The following SKA3 variants were observed in gnomAD, a reference collection of about 807,000 sequenced individuals.
SKA3 encodes the protein spindle and kinetochore-associated protein 3.
In SKA3, 39 loss-of-function variants were observed where a neutral mutation model predicts 44.2. The observed-to-expected ratio is 0.88, with a 90% CI of 0.68 to 1.15. SKA3 has a LOEUF of 1.15. SKA3 is among the 50% of genes most tolerant of loss of function. SKA3 has a pLI of 0.00. For missense variants in SKA3, 511 were observed against 485.8 expected (o/e 1.05, Z -0.49); for synonymous variants, 192 against 172.0 (o/e 1.12, Z -0.91).
chr13:21,167,347 T>TC (rs1278430659), intron 4 of SKA3, among the ~76,000 whole-genome samples: 22 of 152,310 alleles, frequency 1.4e-4, no homozygotes, highest in African/African-American at 2.2e-4. Context: ...CCTACAAATA[T>TC]CTTTTTTTCA....
chr13:21,162,034 T>C (rs781770547), intron 4 of SKA3, among the ~76,000 whole-genome samples, 159 bp from the exon 5 acceptor site: 11 of 152,230 alleles, frequency 7.2e-5, no homozygotes, highest in Non-Finnish European at 1.0e-4. Flanking sequence ...TTTTCTAATA[T>C]ATATCCATGG....
chr13:21,171,780 C>G (rs1256591692), intron 3 of SKA3, among the ~76,000 whole-genome samples: 4 of 152,102 alleles, frequency 2.6e-5, no homozygotes, highest in Admixed American at 1.3e-4. Flanking sequence ...AGTAACTTGA[C>G]AAAGATAATA....
chr13:21,169,194 A>C (rs1168014876), intron 3 of SKA3, among the ~76,000 whole-genome samples: 1 of 148,810 alleles, frequency 6.7e-6, no homozygotes, highest in Non-Finnish European at 1.5e-5. Flanking sequence ...AGAAAAGGCT[A>C]ATCACAAACA....
At chr13:21,161,506 T>A (rs1870437825) in intron 5 of SKA3, among the ~76,000 whole-genome samples, 1 of 152,206 alleles carries the variant, frequency 6.6e-6, no homozygotes, top group African/African-American at 2.4e-5. Flanking sequence ...GAAAAAGTAC[T>A]AAGGCTCTAC....
intron 4 of SKA3, 138 bp from the exon 5 acceptor site, chr13:21,162,013 A>T: frequency 2.0e-6 from 1 of 504,984 alleles, no homozygotes; most frequent in Admixed American, 3.7e-5. Context: ...CATGAAACAA[A>T]TTCTTTTCTT....
chr13:21,155,918 T>C (rs1870095794), intron 7 of SKA3, 107 bp from the exon 8 acceptor site: 6 of 566,082 alleles, frequency 1.1e-5, no homozygotes, highest in African/African-American at 1.9e-5. Context: ...GCGGGCATGG[T>C]GGCTCACGCC....
intron 5 of SKA3, among the ~76,000 whole-genome samples, chr13:21,161,469 T>A (rs1163111703): frequency 8.5e-5 from 13 of 152,174 alleles, no homozygotes; most frequent in Non-Finnish European, 1.5e-5. Flanking sequence ...TATAAGATAA[T>A]GTACAACTCT....
chr13:21,171,939 A>G (rs979549041), intron 3 of SKA3, among the ~76,000 whole-genome samples: 1 of 152,240 alleles, frequency 6.6e-6, no homozygotes. Flanking sequence ...TTTCTATAGA[A>G]GAGAACACTG....
intron 1 of SKA3, among the ~76,000 whole-genome samples, chr13:21,175,775 A>AT (rs1462934408): frequency 6.6e-6 from 1 of 152,128 alleles, no homozygotes; most frequent in Non-Finnish European, 1.5e-5. Flanking sequence ...ATATACACAT[A>AT]TTTTTTTAAA....
rs373439675 is a variant in SKA3, at chr13:21,159,883, C to T, written c.915+19G>A. 8.5e-7 allele frequency: 1 copy of T among 1,183,416 alleles called. No individual in the cohort carries two copies. The highest frequency in any genetic ancestry group is 1.1e-6 in the Non-Finnish European group (1 of 891,800). The allele number at this position is 1,183,416 out of a possible 1,614,324, so 73.3% of individuals were successfully genotyped here. Reference sequence around the variant, plus strand: ...TCTTTAGGAGAAAGACTGTGGCTTTCAATTTTATGGAAAGTTACCAAAGCT... The same window carrying T: ...TCTTTAGGAGAAAGACTGTGGCTTTTAATTTTATGGAAAGTTACCAAAGCT... On this transcript the variant is annotated intron_variant, in intron 6 of 8. Coordinates refer to ENST00000314759, the MANE Select transcript of SKA3 (RefSeq NM_145061.6).
In SKA3 at chr13:21,168,201, T is replaced by G. The variant is rs755301284; in HGVS notation, c.530A>C (p.Gln177Pro). Residue 177 changes from glutamine to proline, a missense_variant, in exon 4 of 9, where the codon CAG becomes CCG. Gln to Pro is a moderately conservative substitution (Grantham distance 76). Transcript: ENST00000314759. ...CTCTTCCTTATAGTTGTTCACTGCC[T>G]GTGGAGGGTTTGGTAGAACTTGGGA... ...IVSQVLPNPP[Q>P]AVNNYKEEPV... is the part of the protein sequence containing the mutation. 2.5e-6 allele frequency: 4 copies of G among 1,614,142 alleles called. No homozygotes were observed. The highest frequency in any genetic ancestry group is 3.4e-6 in the Non-Finnish European group (4 of 1,180,000).
chr13:21,164,377 T>C (rs2137368139), intron 4 of SKA3, among the ~76,000 whole-genome samples: 1 of 152,316 alleles, frequency 6.6e-6, no homozygotes, highest in South Asian at 2.1e-4. Flanking sequence ...CCATTTAAAA[T>C]AAGGCTGTAA....
intron 6 of SKA3, among the ~76,000 whole-genome samples, chr13:21,159,329 T>C (rs147348257): frequency 9.1e-4 from 138 of 152,338 alleles, no homozygotes; most frequent in African/African-American, 3.1e-3. Context: ...AATTTATTTG[T>C]TGGTAAAATT....
At chr13:21,160,028 T>C (rs113242857) in intron 5 of SKA3, 41 bp from the exon 6 acceptor site, 40 of 1,099,206 alleles carry the variant, frequency 3.6e-5, no homozygotes, top group African/African-American at 2.2e-4. Context: ...ACTATAACTA[T>C]AGTATGCTTA....
At position 21,155,791 on chromosome 13, in the gene SKA3, T is replaced by G; in HGVS notation, c.1140A>C (p.Ser380=). Residue 380 remains serine, a synonymous_variant, in exon 8 of 9, where the codon TCA becomes TCC. Transcript: ENST00000314759. Reference sequence around the variant, plus strand: ...TAATTGCTATTGGAGTAGCTAGGTTTGAGTTGTATTTTGATAAAAGCTAAA... The same window carrying G: ...TAATTGCTATTGGAGTAGCTAGGTTGGAGTTGTATTTTGATAAAAGCTAAA... ...DILQLLSKYN[S]NLATPIAIKA... 6.3e-7 allele frequency: 1 copy of G among 1,591,916 alleles called. No individual in the cohort carries two copies. The highest frequency in any genetic ancestry group is 8.6e-7 in the Non-Finnish European group (1 of 1,165,800).
chr13:21,162,339 C>CCAT (rs1957837199), intron 4 of SKA3, among the ~76,000 whole-genome samples: 1 of 151,634 alleles, frequency 6.6e-6, no homozygotes, highest in Non-Finnish European at 1.5e-5. Flanking sequence ...ACATAATGAC[C>CCAT]CATGCTGTCT....
At chr13:21,172,779 G>T in intron 1 of SKA3, 98 bp from the exon 2 acceptor site, 1 of 676,382 alleles carries the variant, frequency 1.5e-6, no homozygotes. Context: ...TAATGACATT[G>T]GTCAATCACA....
chr13:21,158,296 A>G (rs1870247208), intron 6 of SKA3, among the ~76,000 whole-genome samples, 171 bp from the exon 7 acceptor site: 1 of 152,188 alleles, frequency 6.6e-6, no homozygotes, highest in Non-Finnish European at 1.5e-5. Context: ...CAGAGGACAA[A>G]ATATCATCTC....
intron 4 of SKA3, among the ~76,000 whole-genome samples, chr13:21,163,561 G>T (rs997226438): frequency 6.6e-6 from 1 of 152,092 alleles, no homozygotes; most frequent in Non-Finnish European, 1.5e-5. Context: ...TATCAACACT[G>T]AATATAACCT....
Sources: allele counts gnomAD v4.1 joint callset (sites outside exome capture counted in the v4.1 genomes callset), GRCh38; gene constraint gnomAD v4.1.1; transcripts MANE v1.5; gene names NCBI Gene and HGNC (gene_info 2026-07-23, HGNC 2026-07-21).